LRP1B: variants seen among roughly 807,000 people sequenced by gnomAD.
LRP1B encodes the protein LDL receptor related protein 1B, also known as low-density lipoprotein receptor-related protein 1B.
LRP1B carries 217 observed loss-of-function variants against 556.6 expected under a neutral mutation model. The observed-to-expected ratio is 0.39, with a 90% CI of 0.35 to 0.44. The LOEUF is 0.44. Ranked by LOEUF, LRP1B falls within the 20% of genes least tolerant of loss-of-function variation. The probability of loss-of-function intolerance (pLI) is 1.00; values close to 1 mark genes in which losing one functional copy is unlikely to be tolerated. For missense variants in LRP1B, 5,053 were observed against 5,620.8 expected (o/e 0.90, Z 3.23); for synonymous variants, 2,047 against 1,865.8 (o/e 1.10, Z -2.50).
chr2:140,385,848 A>T (rs2105198110), intron 67 of LRP1B, 45 bp downstream of exon 67: 1 of 1,321,116 alleles, frequency 7.6e-7, no homozygotes, highest in Non-Finnish European at 1.1e-6. Context: ...CTGCTTATTG[A>T]ATGGGCTGTC....
intron 3 of LRP1B, among the ~76,000 whole-genome samples, chr2:141,301,741 T>G (rs1686403403): frequency 6.6e-6 from 1 of 152,144 alleles, no homozygotes; most frequent in Non-Finnish European, 1.5e-5. Flanking sequence ...TACGTTGACA[T>G]GGATGCTTGA....
intron 62 of LRP1B, among the ~76,000 whole-genome samples, chr2:140,454,076 G>A (rs187547483): frequency 1.4e-4 from 21 of 152,184 alleles, no homozygotes; most frequent in Admixed American, 1.3e-4. Context: ...CCTCATAAAC[G>A]AGATGAGTTA....
intron 2 of LRP1B, among the ~76,000 whole-genome samples, chr2:141,601,679 TGTCACCCA>T (rs1687749645): frequency 6.6e-6 from 1 of 151,318 alleles, no homozygotes; most frequent in African/African-American, 2.4e-5. Context: ...ATTCCCACTC[TGTCACCCA>T]GTCTGGAGTG....
Position 141,430,744 on chromosome 2 carries a change from C to T in LRP1B, c.343+49652G>A, listed in dbSNP as rs1363314655. Among the ~76,000 whole-genome samples, 3 of 151,938 alleles carry T rather than the reference C, an allele frequency of 2.0e-5. No individual in the cohort carries two copies. The East Asian group carries it at 5.8e-4, about 29-fold the overall frequency. The stretch of plus-strand genomic sequence containing the variant: ...ATATTAAAGCTATTCCCTAAAAAGC[C>T]CTTGCCTTTTGGTTATACAATCAAA... On this transcript the variant is annotated intron_variant, in intron 3 of 90. Coordinates refer to ENST00000389484, the MANE Select transcript of LRP1B (RefSeq NM_018557.3).
intron 2 of LRP1B, among the ~76,000 whole-genome samples, chr2:141,582,799 C>G (rs1238757249): frequency 6.7e-6 from 1 of 149,452 alleles, no homozygotes; most frequent in Non-Finnish European, 1.5e-5. Context: ...AAAAGCAATA[C>G]CTGAAATCTT....
intron 83 of LRP1B, among the ~76,000 whole-genome samples, chr2:140,310,903 CTTAA>C (rs1381429344): frequency 1.3e-5 from 2 of 151,694 alleles, no homozygotes; most frequent in South Asian, 2.1e-4. Flanking sequence ...ATAAATGGGA[CTTAA>C]TTAGACTAAA....
At chr2:140,235,121 C>T (rs1680639983) in intron 89 of LRP1B, among the ~76,000 whole-genome samples, 1 of 150,976 alleles carries the variant, frequency 6.6e-6, no homozygotes, top group Non-Finnish European at 1.5e-5. Context: ...ATTTCTCTCA[C>T]AAAAGTCTTA....
intron 55 of LRP1B, among the ~76,000 whole-genome samples, chr2:140,499,657 G>C (rs1202985567): frequency 6.6e-6 from 1 of 151,778 alleles, no homozygotes; most frequent in African/African-American, 2.4e-5. Context: ...AATGCTGTAG[G>C]CAATTGTAAC....
In LRP1B at chr2:140,701,969, T is replaced by C. The variant is rs189866035; in HGVS notation, c.6303-124A>G. The C allele has an allele frequency of 9.2e-5, 124 of 1,344,442 alleles. 1 individual carries two copies. The Admixed American group carries it at 2.2e-3, about 24-fold the overall frequency. The allele number at this position is 1,344,442 out of a possible 1,614,324, so 83.3% of individuals were successfully genotyped here. A position where few individuals can be genotyped will look rare whatever the true frequency, so the allele number is the denominator to read the frequency against. On this transcript the variant is annotated intron_variant, in intron 39 of 90. Transcript: ENST00000389484. Reference sequence around the variant, plus strand: ...AAGAAACCAACTTTAGTCTGTGACATTGAAATGCTTCAGCTTGGAATAGCA... The same window carrying C: ...AAGAAACCAACTTTAGTCTGTGACACTGAAATGCTTCAGCTTGGAATAGCA...
intron 35 of LRP1B, among the ~76,000 whole-genome samples, chr2:140,751,360 G>A (rs957144499): frequency 3.9e-5 from 6 of 152,170 alleles, no homozygotes; most frequent in Non-Finnish European, 8.8e-5. Flanking sequence ...ATAAATGGAA[G>A]TGAACTATAG....
At chr2:140,991,806 T>A (rs1697099934) in intron 16 of LRP1B, among the ~76,000 whole-genome samples, 1 of 152,110 alleles carries the variant, frequency 6.6e-6, no homozygotes, top group African/African-American at 2.4e-5. Context: ...AGTGCAGTAT[T>A]GCAGAGGAGA....
chr2:141,859,561 T>G (rs762983196), intron 1 of LRP1B, among the ~76,000 whole-genome samples: 1 of 152,140 alleles, frequency 6.6e-6, no homozygotes, highest in Non-Finnish European at 1.5e-5. Context: ...AGTGAAAGAT[T>G]TAAAAAGTAT....
chr2:141,905,786 T>C (rs1360415040), intron 1 of LRP1B, among the ~76,000 whole-genome samples: 1 of 150,930 alleles, frequency 6.6e-6, no homozygotes, highest in African/African-American at 2.4e-5. Flanking sequence ...TGTGTGTGTG[T>C]GTGTGTGTGT....
At chr2:141,094,912 T>C (rs535515825) in intron 7 of LRP1B, among the ~76,000 whole-genome samples, 35 of 152,342 alleles carry the variant, frequency 2.3e-4, no homozygotes, top group Middle Eastern at 6.8e-3. Context: ...ACGGTTTGAA[T>C]GTGTCCCCCC....
chr2:140,360,360 T>C (rs972733760), intron 72 of LRP1B, among the ~76,000 whole-genome samples: 1 of 151,530 alleles, frequency 6.6e-6, no homozygotes, highest in African/African-American at 2.4e-5. Context: ...CCCTCCTCTT[T>C]AGGTCTTTTA....
intron 73 of LRP1B, 120 bp downstream of exon 73, chr2:140,358,701 G>A (rs769185183): frequency 9.6e-7 from 1 of 1,041,052 alleles, no homozygotes; most frequent in Non-Finnish European, 1.4e-6. Context: ...AAGATCAAAT[G>A]TCTGAAAATA....
At chr2:140,248,122 G>A (rs986089137) in intron 86 of LRP1B, among the ~76,000 whole-genome samples, 2 of 151,602 alleles carry the variant, frequency 1.3e-5, no homozygotes, top group Non-Finnish European at 3.0e-5. Flanking sequence ...CTGCCAATTC[G>A]GGCATAGCCA....
intron 10 of LRP1B, among the ~76,000 whole-genome samples, chr2:141,054,602 T>A (rs1158180512): frequency 6.6e-6 from 1 of 152,052 alleles, no homozygotes; most frequent in Non-Finnish European, 1.5e-5. Context: ...TTTGATAAAA[T>A]CATTAAATGT....
chr2:141,080,636 G>C (rs1699899635), intron 7 of LRP1B, among the ~76,000 whole-genome samples: 1 of 152,068 alleles, frequency 6.6e-6, no homozygotes, highest in African/African-American at 2.4e-5. Flanking sequence ...TACATGTCAG[G>C]CTTGGTAAAC....
Sources: allele counts gnomAD v4.1 joint callset (sites outside exome capture counted in the v4.1 genomes callset), GRCh38; gene constraint gnomAD v4.1.1; transcripts MANE v1.5; gene names NCBI Gene and HGNC (gene_info 2026-07-23, HGNC 2026-07-21).